DMD: variants seen among roughly 807,000 people sequenced by gnomAD.
The protein encoded by DMD is mutant dystrophin.
In DMD, 63 loss-of-function variants were observed where a neutral mutation model predicts 330.1. The ratio of observed to expected loss-of-function variants is 0.19; its 90% confidence interval spans 0.16 to 0.24. The LOEUF (loss-of-function observed/expected upper bound fraction) is 0.24, where lower values mean the gene tolerates loss of function less well. DMD is among the 10% of genes least tolerant of loss of function. DMD has a pLI of 1.00. For synonymous variants in DMD, 1,223 were observed against 959.8 expected (o/e 1.27, Z -5.07); for missense variants, 3,344 against 2,684.1 (o/e 1.25, Z -5.43).
chrX:31,666,301 C>A (rs2081423089), intron 53 of DMD, among the ~76,000 whole-genome samples: 1 of 111,894 alleles, frequency 8.9e-6, no homozygotes, highest in South Asian at 3.8e-4. Flanking sequence ...CTGGTCACTT[C>A]CAGGCAGAAG....
intron 41 of DMD, among the ~76,000 whole-genome samples, chrX:32,310,914 C>T (rs900550347): frequency 1.7e-4 from 19 of 110,871 alleles, no homozygotes; most frequent in African/African-American, 6.2e-4. Context: ...TTAAAAAGAA[C>T]TCCAGAATGT....
intron 51 of DMD, among the ~76,000 whole-genome samples, chrX:31,746,232 G>A (rs1333357009): frequency 3.6e-5 from 4 of 112,022 alleles, no homozygotes; most frequent in African/African-American, 1.3e-4. Context: ...GTTACCATTC[G>A]CTGATACTAC....
At chrX:32,707,192 T>G (rs978860558) in intron 7 of DMD, among the ~76,000 whole-genome samples, 2 of 112,253 alleles carry the variant, frequency 1.8e-5, no homozygotes, top group Non-Finnish European at 3.8e-5. Context: ...TATTTTAGAC[T>G]TTAATAATAC....
chrX:32,924,181 A>G (rs1405954717), intron 2 of DMD, among the ~76,000 whole-genome samples: 1 of 111,852 alleles, frequency 8.9e-6, no homozygotes, highest in African/African-American at 3.3e-5. Flanking sequence ...AAATGTTTCC[A>G]TAAGTCTATG....
At chrX:32,100,531 C>T (rs2096534998) in intron 44 of DMD, among the ~76,000 whole-genome samples, 2 of 110,407 alleles carry the variant, frequency 1.8e-5, no homozygotes. Context: ...TAGATTTACG[C>T]TTTTTCAAAG....
chrX:32,997,218 A>C lies in DMD; in HGVS notation c.93+22921T>G, dbSNP rs960942448. Among the ~76,000 whole-genome samples the C allele has an allele frequency of 7.5e-4, 82 of 109,445 alleles. 3 individuals are homozygous for C. Among genetic ancestry groups the C allele is most frequent in the Admixed American group, 3.0e-4 (3 of 10,156 alleles). ...TTTGTGGGTACACTGTAGGTGTATA[A>C]ATTTCTGGGGTACATGAGAGCCTCC... On this transcript the variant is annotated intron_variant, in intron 2 of 78. Transcript: ENST00000357033.
chrX:31,522,110 G>A (rs1234598895), intron 55 of DMD, among the ~76,000 whole-genome samples: 1 of 110,028 alleles, frequency 9.1e-6, no homozygotes, highest in Non-Finnish European at 1.9e-5. Flanking sequence ...ATTTGCAGAT[G>A]CCATCATACA....
intron 2 of DMD, among the ~76,000 whole-genome samples, chrX:32,885,832 A>AGG (rs2084488696): frequency 9.5e-6 from 1 of 105,519 alleles, no homozygotes; most frequent in African/African-American, 3.6e-5. Context: ...AGGGGGAAAA[A>AGG]AAAAAAAAAA....
At chrX:31,492,748 C>G (rs2147020445) in intron 57 of DMD, among the ~76,000 whole-genome samples, 1 of 110,320 alleles carries the variant, frequency 9.1e-6, no homozygotes, top group African/African-American at 3.3e-5. Context: ...AGCTGGAAAC[C>G]ATCATTCTCA....
At chrX:32,536,264 C>CCAA (rs1491559359) in intron 17 of DMD, among the ~76,000 whole-genome samples, 11 of 36,380 alleles carry the variant, frequency 3.0e-4, no homozygotes, top group Non-Finnish European at 5.1e-4. Flanking sequence ...ACTCCGTCTC[C>CCAA]AAAAAAAAAA....
intron 9 of DMD, among the ~76,000 whole-genome samples, chrX:32,682,088 T>G (rs1375659785): frequency 9.0e-6 from 1 of 111,497 alleles, no homozygotes; most frequent in African/African-American, 3.3e-5. Flanking sequence ...ATCACGATGG[T>G]GTTTTGGATT....
At chrX:32,226,417 T>G (rs1443763694) in intron 43 of DMD, among the ~76,000 whole-genome samples, 3 of 112,060 alleles carry the variant, frequency 2.7e-5, no homozygotes, top group Non-Finnish European at 3.8e-5. Context: ...CACAGCTTTG[T>G]GAAAACCTCT....
Position 32,033,603 on chromosome X carries a change from C to CAGAAAGAAAGAA in DMD, c.6439-65101_6439-65090dup, listed in dbSNP as rs753337646. 4.3e-3 allele frequency among the ~76,000 whole-genome samples: 255 copies of CAGAAAGAAAGAA among 59,864 alleles called. 3 individuals are homozygous for CAGAAAGAAAGAA. The highest frequency in any genetic ancestry group is 6.3e-3 in the Non-Finnish European group (213 of 33,728). The allele number at this position is 59,864 out of a possible 115,157, so 52.0% of individuals were successfully genotyped here. On this transcript the variant is annotated intron_variant, in intron 44 of 78. Coordinates refer to ENST00000357033, the MANE Select transcript of DMD (RefSeq NM_004006.3). ...TAAAAAAACAAGACAGACAGACAGACAGAAAGAAAGAAAGAAAGAAAGAAA... is the reference window on the plus strand; with the variant it reads ...TAAAAAAACAAGACAGACAGACAGACAGAAAGAAAGAAAGAAAGAAAGAAAGAAAGAAAGAAA...
intron 43 of DMD, among the ~76,000 whole-genome samples, chrX:32,276,204 C>T (rs2097386324): frequency 1.8e-5 from 2 of 112,511 alleles, no homozygotes; most frequent in Admixed American, 1.9e-4. Flanking sequence ...AAGGGAATCG[C>T]CCATCCCAGC....
At chrX:31,169,721 CT>C (rs367605612) in intron 73 of DMD, 120 bp from the exon 74 acceptor site, 3 of 672,342 alleles carry the variant, frequency 4.5e-6, no homozygotes, top group African/African-American at 2.2e-5. Flanking sequence ...TTAATTAGAC[CT>C]TTTTTCCTGC....
intron 48 of DMD, among the ~76,000 whole-genome samples, chrX:31,853,842 G>A (rs148980831): frequency 0.03 from 3,349 of 112,143 alleles, 57 homozygotes; most frequent in Non-Finnish European, 0.043. Flanking sequence ...AACTAAGCAT[G>A]TCCTTTTTGA....
chrX:32,380,060 C>T (rs2097918633), intron 34 of DMD, among the ~76,000 whole-genome samples: 1 of 111,227 alleles, frequency 9.0e-6, no homozygotes, highest in Admixed American at 9.6e-5. Context: ...AAATGATAGC[C>T]CCTGCATAGA....
At chrX:32,742,912 G>A (rs182478313) in intron 7 of DMD, among the ~76,000 whole-genome samples, 1 of 111,688 alleles carries the variant, frequency 9.0e-6, no homozygotes, top group African/African-American at 3.3e-5. Context: ...ATGAAGAAAC[G>A]AAGGCCAAGA....
At chrX:32,990,618 T>A (rs1185095983) in intron 2 of DMD, among the ~76,000 whole-genome samples, 2 of 111,604 alleles carry the variant, frequency 1.8e-5, no homozygotes, top group Non-Finnish European at 3.8e-5. Context: ...AATAAACCCC[T>A]AAACCTTAAT....
Sources: gnomAD v4.1 joint callset for allele counts (sites outside exome capture counted in the v4.1 genomes callset) on GRCh38, gnomAD v4.1.1 for gene constraint, MANE v1.5 for transcripts, NCBI Gene and HGNC (gene_info 2026-07-23, HGNC 2026-07-21) for gene names.